ASIC2: variants seen among roughly 807,000 people sequenced by gnomAD.
ASIC2 encodes acid-sensing ion channel 2.
ASIC2 carries 25 observed loss-of-function variants against 57.3 expected under a neutral mutation model. That is an observed-to-expected ratio of 0.44 (90% CI 0.32 to 0.61). The LOEUF (loss-of-function observed/expected upper bound fraction) is 0.61. Ranked by LOEUF, ASIC2 falls within the 20% of genes least tolerant of loss-of-function variation. ASIC2 has a pLI of 0.06. For missense variants in ASIC2, 641 were observed against 738.1 expected, an observed-to-expected ratio of 0.87 and a Z score of 1.52; for synonymous variants, 319 against 307.5, an observed-to-expected ratio of 1.04 and a Z score of -0.39.
At chr17:33,052,416 C>T (rs1235185306) in intron 3 of ASIC2, 1 of 152,264 alleles carries the variant, frequency 6.6e-6, no homozygotes, top group African/African-American at 2.4e-5. Flanking sequence ...TCTCCCCGTC[C>T]TTTCTCTGGG....
At chr17:33,454,161 C>A (rs1322334760) in intron 1 of ASIC2, among the ~76,000 whole-genome samples, 1 of 152,182 alleles carries the variant, frequency 6.6e-6, no homozygotes, top group African/African-American at 2.4e-5. Flanking sequence ...TACTTGTCCC[C>A]AGCCTCTGTA....
intron 1 of ASIC2, among the ~76,000 whole-genome samples, chr17:33,483,938 G>A (rs150600075): frequency 1.3e-3 from 195 of 152,310 alleles, no homozygotes; most frequent in African/African-American, 4.6e-3. Context: ...GGGGTCCTTG[G>A]AAGAGGGAGA....
At chr17:33,888,573 C>T (rs74985631) in intron 1 of ASIC2, among the ~76,000 whole-genome samples, 1,526 of 152,132 alleles carry the variant, frequency 0.01, 13 homozygotes, top group Non-Finnish European at 0.014. Context: ...AAGGGGAGAG[C>T]GCTGTTGAAA....
intron 1 of ASIC2, chr17:34,071,085 T>C (rs1368400370): frequency 7.2e-6 from 1 of 139,438 alleles, no homozygotes; most frequent in African/African-American, 2.9e-5. Context: ...GGTCCCCTTT[T>C]GGCTTCTCAA....
chr17:33,797,751 G>A lies in ASIC2; in HGVS notation c.555+358227C>T, dbSNP rs147739677. Among the ~76,000 whole-genome samples, 38 of 152,322 alleles carry A rather than the reference G, an allele frequency of 2.5e-4. 1 individual carries two copies. The highest frequency in any genetic ancestry group is 8.4e-4 in the African/African-American group (35 of 41,566). ...TTTGTCTGCAGACAGAAGGCTGTTT[G>A]GAGGACTGAAATGTGGGCATGTTCC... On this transcript the variant is annotated intron_variant, in intron 1 of 9. Transcript: ENST00000359872.
intron 1 of ASIC2, among the ~76,000 whole-genome samples, chr17:33,514,616 TC>T (rs1175849597): frequency 2.6e-5 from 4 of 152,216 alleles, no homozygotes; most frequent in African/African-American, 9.6e-5. Flanking sequence ...CCAGGGCATT[TC>T]CCCAGTGACC....
intron 1 of ASIC2, among the ~76,000 whole-genome samples, chr17:33,255,440 A>G (rs1909032001): frequency 6.6e-6 from 1 of 152,162 alleles, no homozygotes; most frequent in Non-Finnish European, 1.5e-5. Flanking sequence ...TAAGGTAAAA[A>G]GTGTAAGCTT....
intron 1 of ASIC2, among the ~76,000 whole-genome samples, chr17:33,829,105 T>G (rs1235121932): frequency 6.6e-6 from 1 of 152,194 alleles, no homozygotes; most frequent in Non-Finnish European, 1.5e-5. Context: ...GTCTCTGACT[T>G]CCAGCCTATG....
intron 1 of ASIC2, among the ~76,000 whole-genome samples, chr17:33,840,293 G>A (rs1045461563): frequency 2.0e-5 from 3 of 152,284 alleles, no homozygotes; most frequent in Admixed American, 6.5e-5. Flanking sequence ...AGCCCAGTGT[G>A]GGGAGTTCCC....
At chr17:33,642,220 C>A (rs2347556) in intron 1 of ASIC2, among the ~76,000 whole-genome samples, 64,925 of 139,080 alleles carry the variant, frequency 0.47, 15,198 homozygotes, top group East Asian at 0.68. Flanking sequence ...CCCCCCCCCC[C>A]CACACACAAT....
intron 1 of ASIC2, among the ~76,000 whole-genome samples, chr17:33,854,505 T>A (rs568516098): frequency 6.6e-6 from 1 of 152,384 alleles, no homozygotes; most frequent in South Asian, 2.1e-4. Flanking sequence ...ATATACTTGC[T>A]TGGAACATGT....
chr17:33,576,323 T>C (rs1437824301), intron 1 of ASIC2, among the ~76,000 whole-genome samples: 3 of 152,200 alleles, frequency 2.0e-5, no homozygotes, highest in Non-Finnish European at 2.9e-5. Context: ...TTCAGCTCTA[T>C]GACCTCATGC....
chr17:33,267,457 T>C (rs1909505873), intron 1 of ASIC2, among the ~76,000 whole-genome samples: 1 of 152,198 alleles, frequency 6.6e-6, no homozygotes, highest in Admixed American at 6.5e-5. Context: ...ATGACGGTAA[T>C]GATTCATGCC....
intron 1 of ASIC2, among the ~76,000 whole-genome samples, chr17:33,737,858 T>C (rs1909969201): frequency 6.6e-6 from 1 of 152,208 alleles, no homozygotes; most frequent in Non-Finnish European, 1.5e-5. Context: ...ATTTGCAAAC[T>C]CTTCAGACTG....
At chr17:33,398,503 G>A (rs993997184) in intron 1 of ASIC2, among the ~76,000 whole-genome samples, 2 of 152,120 alleles carry the variant, frequency 1.3e-5, no homozygotes, top group African/African-American at 4.8e-5. Flanking sequence ...AATAGTAAAG[G>A]TGATTATGTG....
intron 1 of ASIC2, among the ~76,000 whole-genome samples, chr17:33,192,788 A>G (rs1428901617): frequency 5.3e-5 from 8 of 152,348 alleles, no homozygotes; most frequent in Admixed American, 1.3e-4. Context: ...TTAATATTTT[A>G]TAGGCTAAAA....
chr17:33,284,488 C>T (rs539792263), intron 1 of ASIC2, among the ~76,000 whole-genome samples: 7 of 152,216 alleles, frequency 4.6e-5, no homozygotes, highest in Admixed American at 1.3e-4. Context: ...TCTTACGAAC[C>T]GTCTTTCCTT....
At chr17:33,070,314 C>T (rs1255533277) in intron 3 of ASIC2, among the ~76,000 whole-genome samples, 1 of 148,096 alleles carries the variant, frequency 6.8e-6, no homozygotes. Flanking sequence ...TAGGTTGGTG[C>T]AAAAGTAACC....
chr17:33,259,756 G>C (rs1387780479), intron 1 of ASIC2, among the ~76,000 whole-genome samples: 3 of 152,084 alleles, frequency 2.0e-5, no homozygotes, highest in African/African-American at 7.2e-5. Context: ...TCCTCCTTCT[G>C]GTCTCATGTT....
Sources: gnomAD v4.1 joint callset for allele counts (sites outside exome capture counted in the v4.1 genomes callset) on GRCh38, gnomAD v4.1.1 for gene constraint, MANE v1.5 for transcripts, NCBI Gene and HGNC (gene_info 2026-07-23, HGNC 2026-07-21) for gene names.